Variants in C16orf74 observed in about 807,000 individuals in gnomAD.
C16orf74 encodes the protein calcimembrin.
C16orf74 carries 10 observed loss-of-function variants against 6.5 expected under a neutral mutation model. That is an observed-to-expected ratio of 1.54 (90% CI 0.95 to 2.61). The LOEUF (loss-of-function observed/expected upper bound fraction) is 2.61. Ranked by LOEUF, C16orf74 falls within the 30% of genes most tolerant of loss-of-function variation. The pLI is 0.00. For missense variants in C16orf74, 141 were observed against 105.9 expected (o/e 1.33, Z -1.45); for synonymous variants, 60 against 42.5 (o/e 1.41, Z -1.60).
At chr16:85,744,896 C>G (rs898403016) in intron 1 of C16orf74, among the ~76,000 whole-genome samples, 9 of 149,686 alleles carry the variant, frequency 6.0e-5, no homozygotes, top group Non-Finnish European at 1.2e-4. Context: ...AATACCATCA[C>G]TTTGGGAGGC....
intron 2 of C16orf74, 22 bp from the exon 3 acceptor site, chr16:85,710,329 A>C: frequency 6.8e-7 from 1 of 1,480,260 alleles, no homozygotes; most frequent in Non-Finnish European, 8.9e-7. Flanking sequence ...GGCGTGGAGC[A>C]CACACGCACG....
intron 2 of C16orf74, among the ~76,000 whole-genome samples, chr16:85,732,217 C>G (rs2054196288): frequency 6.6e-6 from 1 of 152,206 alleles, no homozygotes; most frequent in Non-Finnish European, 1.5e-5. Context: ...CGAGGCCCTG[C>G]TCACACCTGG....
intron 2 of C16orf74, among the ~76,000 whole-genome samples, chr16:85,724,495 T>C (rs2054113537): frequency 6.6e-6 from 1 of 152,110 alleles, no homozygotes; most frequent in Non-Finnish European, 1.5e-5. Flanking sequence ...ACCTGACACC[T>C]CAGCTTCTGT....
chr16:85,746,484 G>A (rs1470408588), intron 1 of C16orf74, among the ~76,000 whole-genome samples: 1 of 152,160 alleles, frequency 6.6e-6, no homozygotes, highest in Non-Finnish European at 1.5e-5. Flanking sequence ...GGGACCTGGA[G>A]AACTAGACAG....
chr16:85,736,250 T>A (rs2054243550), intron 1 of C16orf74, among the ~76,000 whole-genome samples: 1 of 151,954 alleles, frequency 6.6e-6, no homozygotes, highest in East Asian at 1.9e-4. Flanking sequence ...AAGTCTGCTT[T>A]CTAGAGGGGT....
At chr16:85,731,980 C>T (rs970038037) in intron 2 of C16orf74, among the ~76,000 whole-genome samples, 4 of 152,250 alleles carry the variant, frequency 2.6e-5, no homozygotes, top group South Asian at 4.1e-4. Flanking sequence ...CATGGGCCAC[C>T]GTGCAGCCCC....
intron 1 of C16orf74, among the ~76,000 whole-genome samples, chr16:85,750,026 T>C (rs1192500446): frequency 1.3e-5 from 2 of 152,094 alleles, no homozygotes; most frequent in Admixed American, 1.3e-4. Flanking sequence ...GACAGGGGCC[T>C]CCCCACAGCG....
chr16:85,716,233 C>A (rs532870870), intron 2 of C16orf74, among the ~76,000 whole-genome samples: 1 of 148,658 alleles, frequency 6.7e-6, no homozygotes, highest in African/African-American at 2.5e-5. Context: ...GCAGAAGTCT[C>A]GGAGGAGAGG....
At chr16:85,727,684 C>A (rs1455453681) in intron 2 of C16orf74, among the ~76,000 whole-genome samples, 3 of 151,974 alleles carry the variant, frequency 2.0e-5, no homozygotes, top group African/African-American at 7.3e-5. Context: ...TGTGGTGCCT[C>A]TTGCCTGTAG....
At chr16:85,741,641 C>G (rs2054309469) in intron 1 of C16orf74, 1 of 170,514 alleles carries the variant, frequency 5.9e-6, no homozygotes, top group East Asian at 1.9e-4. Flanking sequence ...TGTCATCCTG[C>G]TTCTGCCTCC....
intron 2 of C16orf74, among the ~76,000 whole-genome samples, chr16:85,727,807 C>A (rs66512666): frequency 0.4 from 59,546 of 147,640 alleles, 12,358 homozygotes; most frequent in East Asian, 0.71. Context: ...GAGCCAGGCC[C>A]TGTTTCAAAA....
chr16:85,744,571 CTGAA>C (rs2054348512), intron 1 of C16orf74, among the ~76,000 whole-genome samples: 1 of 152,160 alleles, frequency 6.6e-6, no homozygotes, highest in Non-Finnish European at 1.5e-5. Flanking sequence ...TGGCTCATGC[CTGAA>C]ATCCCAGCAC....
At position 85,729,988 on chromosome 16, in the gene C16orf74, C is replaced by G. The variant is rs114094951; in HGVS notation, c.28+5202G>C. On this transcript the variant is annotated intron_variant, in intron 2 of 3. Coordinates refer to ENST00000284245, the MANE Select transcript of C16orf74 (RefSeq NM_206967.3). ...ACGGTAGAGATGGAAGCCAGCCCAG[C>G]AGTGGGCAGATCCCATCCCAGCCAG... 6.5e-3 allele frequency among the ~76,000 whole-genome samples: 995 copies of G among 152,320 alleles called. 8 individuals carry two copies. The highest frequency in any genetic ancestry group is 0.022 in the African/African-American group (929 of 41,560).
intron 1 of C16orf74, chr16:85,744,126 G>A (rs1441707258): frequency 1.3e-5 from 2 of 148,928 alleles, no homozygotes; most frequent in African/African-American, 4.9e-5. Flanking sequence ...TCAGGAGGCT[G>A]AGGAAGGAGA....
At chr16:85,746,593 C>T (rs2054375721) in intron 1 of C16orf74, among the ~76,000 whole-genome samples, 1 of 152,140 alleles carries the variant, frequency 6.6e-6, no homozygotes, top group Non-Finnish European at 1.5e-5. Context: ...GCCCTGCTTG[C>T]CTAACAAAGA....
At position 85,707,852 on chromosome 16, in the gene C16orf74, C is replaced by G. The variant is rs1476929748; in HGVS notation, c.*156G>C. 4 of 636,544 alleles carry G rather than the reference C, an allele frequency of 6.3e-6. No individual in the cohort carries two copies. Among genetic ancestry groups the G allele is most frequent in the East Asian group, 2.8e-5 (1 of 35,636 alleles). The allele number at this position is 636,544 out of a possible 1,614,324, so 39.4% of individuals were successfully genotyped here. On this transcript the variant is annotated 3_prime_UTR_variant, in exon 4 of 4. Transcript: ENST00000284245. ...TTCTGGAAGTGGACAGGCTGGATTCCTCGCTGGTCCTGCCACGTCTCTCTG... is the reference window on the plus strand; with the variant it reads ...TTCTGGAAGTGGACAGGCTGGATTCGTCGCTGGTCCTGCCACGTCTCTCTG...
At chr16:85,712,324 A>C (rs904120073) in intron 2 of C16orf74, among the ~76,000 whole-genome samples, 3 of 152,188 alleles carry the variant, frequency 2.0e-5, no homozygotes, top group Non-Finnish European at 4.4e-5. Context: ...TGAGATAATA[A>C]AGGTTTGATG....
In C16orf74 at chr16:85,707,949, G is replaced by T; in HGVS notation, c.*59C>A. ...ACCTGCTCCAGGCAGCCACGCCCCCGGACACCTGAAGCCGGGCCGCTGGAG... is the reference window on the plus strand; with the variant it reads ...ACCTGCTCCAGGCAGCCACGCCCCCTGACACCTGAAGCCGGGCCGCTGGAG... On this transcript the variant is annotated 3_prime_UTR_variant, in exon 4 of 4. Coordinates refer to ENST00000284245, the MANE Select transcript of C16orf74 (RefSeq NM_206967.3). 2 of 1,471,026 alleles carry T rather than the reference G, an allele frequency of 1.4e-6. No individual in the cohort carries two copies. Among genetic ancestry groups the T allele is most frequent in the Non-Finnish European group, 9.3e-7 (1 of 1,077,440 alleles). The allele number at this position is 1,471,026 out of a possible 1,614,324, so 91.1% of individuals were successfully genotyped here.
At chr16:85,717,117 T>A (rs2054033204) in intron 2 of C16orf74, among the ~76,000 whole-genome samples, 1 of 152,184 alleles carries the variant, frequency 6.6e-6, no homozygotes, top group East Asian at 1.9e-4. Flanking sequence ...TGCACTGTCC[T>A]CGCAGTGGGG....
Sources: allele counts gnomAD v4.1 joint callset (sites outside exome capture counted in the v4.1 genomes callset), GRCh38; gene constraint gnomAD v4.1.1; transcripts MANE v1.5; gene names NCBI Gene and HGNC (gene_info 2026-07-23, HGNC 2026-07-21).